NECAB2: variants seen among roughly 807,000 people sequenced by gnomAD.
NECAB2 encodes N-terminal EF-hand calcium binding protein 2.
NECAB2 carries 68 observed loss-of-function variants against 51.9 expected under a neutral mutation model. The observed-to-expected ratio is 1.31, with a 90% CI of 1.08 to 1.60. The LOEUF (loss-of-function observed/expected upper bound fraction) is 1.60, where lower values mean the gene tolerates loss of function less well. NECAB2 is among the 40% of genes most tolerant of loss of function. The pLI is 0.00. For synonymous variants in NECAB2, 329 were observed against 203.5 expected, an observed-to-expected ratio of 1.62 and a Z score of -5.25; for missense variants, 854 against 490.3, an observed-to-expected ratio of 1.74 and a Z score of -7.00.
chr16:84,001,513 G>C (rs934827034), intron 11 of NECAB2, among the ~76,000 whole-genome samples: 1 of 152,122 alleles, frequency 6.6e-6, no homozygotes, highest in African/African-American at 2.4e-5. Context: ...CTTCTGTGTT[G>C]TCATGGGTCC....
rs773446027 is a variant in NECAB2 at position 83,994,406 on chromosome 16, A to G, written c.701A>G (p.Lys234Arg). ...NHKLMAMEQG[K>R]TLPSATEDAK... Reference sequence around the variant, plus strand: ...AAGCTCATGGCTATGGAACAAGGCAAGACCCTTCCATCTGGTGAGAGAAAG... The same window carrying G: ...AAGCTCATGGCTATGGAACAAGGCAGGACCCTTCCATCTGGTGAGAGAAAG... The change falls in exon 7 of 13, where the codon AAG becomes AGG. Residue 234 changes from lysine (K) to arginine (R), a missense_variant. Transcript: ENST00000305202. The G allele has an allele frequency of 1.5e-5, 25 of 1,614,018 alleles. No homozygotes were observed. In the East Asian group the frequency reaches 4.9e-4, roughly 32 times the overall value.
intron 5 of NECAB2, among the ~76,000 whole-genome samples, chr16:83,982,879 C>CT (rs1037655133): frequency 2.2e-4 from 32 of 148,182 alleles, no homozygotes; most frequent in South Asian, 1.1e-3. Context: ...TTTTCTTTTT[C>CT]TTTTTTTTTG....
chr16:84,001,662 TCCCTGGGCACCC>T (rs2084838664), intron 11 of NECAB2, among the ~76,000 whole-genome samples, 151 bp from the exon 12 acceptor site: 1 of 139,494 alleles, frequency 7.2e-6, no homozygotes, highest in East Asian at 2.0e-4. Flanking sequence ...AGAGTCAGCC[TCCCTGGGCACCC>T]CCTCACCTTC....
Position 83,980,868 on chromosome 16 carries a change from G to C in NECAB2, c.361+4G>C, listed in dbSNP as rs968038256. ...GTGGACACCAAGGAGCTGTGTGGTA[G>C]GTGCCTGGCTATGCTGGGACCAAGA... On this transcript the variant is annotated splice_donor_region_variant and intron_variant, in intron 4 of 12. Coordinates refer to ENST00000305202, the MANE Select transcript of NECAB2 (RefSeq NM_019065.3). 10 of 1,609,422 alleles carry C rather than the reference G, an allele frequency of 6.2e-6. No homozygotes were observed. The highest frequency in any genetic ancestry group is 2.7e-5 in the African/African-American group (2 of 74,776).
intron 11 of NECAB2, among the ~76,000 whole-genome samples, chr16:84,001,281 G>A (rs2084828202): frequency 6.8e-6 from 1 of 146,890 alleles, no homozygotes; most frequent in Non-Finnish European, 1.5e-5. Context: ...CACACATCTG[G>A]GAGAGGGTGG....
At chr16:83,986,269 A>G (rs1296171556) in intron 5 of NECAB2, among the ~76,000 whole-genome samples, 1 of 152,174 alleles carries the variant, frequency 6.6e-6, no homozygotes, top group Non-Finnish European at 1.5e-5. Context: ...CACCCGCCTC[A>G]GTCTCCCAAA....
chr16:83,967,334 T>A (rs1218045579), upstream of NECAB2, among the ~76,000 whole-genome samples: 3 of 149,746 alleles, frequency 2.0e-5, no homozygotes, highest in East Asian at 5.9e-4. Flanking sequence ...CCTAGTGGGT[T>A]CTCCTTAATT....
chr16:83,980,955 C>T, intron 4 of NECAB2, 75 bp from the exon 5 acceptor site: 2 of 1,605,596 alleles, frequency 1.2e-6, no homozygotes, highest in Admixed American at 1.7e-5. Flanking sequence ...GGAGGTAGCG[C>T]AGGTGGGAGG....
At chr16:83,974,537 G>C (rs2084383832) in intron 2 of NECAB2, among the ~76,000 whole-genome samples, 1 of 152,176 alleles carries the variant, frequency 6.6e-6, no homozygotes, top group African/African-American at 2.4e-5. Context: ...CTGAACGTCT[G>C]TTATGCACCA....
At chr16:83,981,923 G>A (rs1035705234) in intron 5 of NECAB2, among the ~76,000 whole-genome samples, 8 of 152,170 alleles carry the variant, frequency 5.3e-5, no homozygotes, top group African/African-American at 1.2e-4. Flanking sequence ...CTTGTCTGCC[G>A]GTTGAGGCCG....
intron 5 of NECAB2, 59 bp from the exon 6 acceptor site, chr16:83,990,435 C>T (rs1296077918): frequency 3.8e-6 from 6 of 1,595,614 alleles, no homozygotes; most frequent in Non-Finnish European, 3.4e-6. Flanking sequence ...GTGCTAGACC[C>T]CACCTCCAAT....
chr16:83,972,727 C>T (rs1000488647), intron 2 of NECAB2, among the ~76,000 whole-genome samples: 2 of 152,168 alleles, frequency 1.3e-5, no homozygotes, highest in Non-Finnish European at 2.9e-5. Context: ...TTTTCCCTTT[C>T]TCTCTCAGCC....
intron 5 of NECAB2, among the ~76,000 whole-genome samples, chr16:83,982,901 C>T (rs1048581551): frequency 6.6e-6 from 1 of 151,052 alleles, no homozygotes; most frequent in African/African-American, 2.4e-5. Context: ...GACAGAGTCT[C>T]ACTCTTGTCC....
intron 11 of NECAB2, 68 bp from the exon 12 acceptor site, chr16:84,001,757 T>TAACA: frequency 6.4e-7 from 1 of 1,552,248 alleles, no homozygotes; most frequent in Non-Finnish European, 8.9e-7. Context: ...GAGCTAGGAT[T>TAACA]AACAGGGGAG....
intron 6 of NECAB2, among the ~76,000 whole-genome samples, chr16:83,991,816 A>ATTTTTTT (rs1222970973): frequency 7.1e-5 from 8 of 112,514 alleles, no homozygotes; most frequent in African/African-American, 1.8e-4. Context: ...ACACCCAGCT[A>ATTTTTTT]TTTTTTTTTT....
chr16:84,000,202 A>C (rs1597231627), intron 10 of NECAB2, among the ~76,000 whole-genome samples: 7 of 152,238 alleles, frequency 4.6e-5, no homozygotes, highest in Admixed American at 2.0e-4. Context: ...ACATCCAGCC[A>C]CCTGGTTTTG....
chr16:83,966,080 C>T, upstream of NECAB2: 1 of 1,248,770 alleles, frequency 8.0e-7, no homozygotes, highest in Non-Finnish European at 1.1e-6. Flanking sequence ...GATGCAGGAC[C>T]CGTCCAAAGA....
At chr16:83,981,239 CAG>C in intron 5 of NECAB2, 112 bp downstream of exon 5, 2 of 926,790 alleles carry the variant, frequency 2.2e-6, no homozygotes, top group East Asian at 2.5e-5. Flanking sequence ...AGGCCTATCT[CAG>C]GGGTGGGCTT....
At position 84,002,659 on chromosome 16, in the gene NECAB2, C is replaced by A. The variant is rs1391326340; in HGVS notation, c.*313C>A. 6.4e-6 allele frequency: 3 copies of A among 467,426 alleles called. No individual in the cohort carries two copies. The highest frequency in any genetic ancestry group is 1.2e-5 in the Non-Finnish European group (3 of 257,090). 29.0% of individuals were successfully genotyped at this position (467,426 alleles called of 1,614,324 possible). A position where few individuals can be genotyped will look rare whatever the true frequency, so the allele number is the denominator to read the frequency against. ...GGCCACGCATGACCCACACTGACCA[C>A]ACCCTGCCCTCTTCGGTGACATTCT... On this transcript the variant is annotated 3_prime_UTR_variant, in exon 13 of 13. Transcript: ENST00000305202.
Sources: allele counts gnomAD v4.1 joint callset (sites outside exome capture counted in the v4.1 genomes callset), GRCh38; gene constraint gnomAD v4.1.1; transcripts MANE v1.5; gene names NCBI Gene and HGNC (gene_info 2026-07-23, HGNC 2026-07-21).